Variants in KYAT3 observed in about 807,000 individuals in gnomAD.
KYAT3 encodes the protein kynurenine aminotransferase 3, also known as kynurenine--oxoglutarate transaminase 3.
Under a neutral mutation model 59.0 loss-of-function variants are expected in KYAT3, and 50 were observed. That is an observed-to-expected ratio of 0.85 (90% CI 0.68 to 1.07). KYAT3 has a LOEUF of 1.07. KYAT3 is among the 50% of genes least tolerant of loss of function. The pLI is 0.00. For synonymous variants in KYAT3, 148 were observed against 177.0 expected, an observed-to-expected ratio of 0.84 and a Z score of 1.30; for missense variants, 497 against 533.3, an observed-to-expected ratio of 0.93 and a Z score of 0.67.
intron 4 of KYAT3, among the ~76,000 whole-genome samples, chr1:88,965,940 C>G (rs1177264163): frequency 6.6e-6 from 1 of 152,120 alleles, no homozygotes; most frequent in African/African-American, 2.4e-5. Flanking sequence ...ACTATAAACA[C>G]TATATACATT....
chr1:88,953,198 T>C (rs1675753592), intron 9 of KYAT3, 46 bp from the exon 10 acceptor site: 1 of 1,295,760 alleles, frequency 7.7e-7, no homozygotes, highest in Non-Finnish European at 1.1e-6. Context: ...TAATTGTATA[T>C]AACAAATCTG....
At chr1:88,981,852 A>AT (rs1306885038) in intron 2 of KYAT3, 2 of 602,680 alleles carry the variant, frequency 3.3e-6, no homozygotes, top group African/African-American at 4.0e-5. Context: ...TTGGAGATAA[A>AT]TTCATTGCTT....
intron 11 of KYAT3, among the ~76,000 whole-genome samples, chr1:88,943,934 T>G (rs1004159413): frequency 6.6e-6 from 1 of 152,118 alleles, no homozygotes; most frequent in African/African-American, 2.4e-5. Flanking sequence ...ATTTGTTGAA[T>G]GGATAAATTA....
At chr1:88,961,592 C>A (rs537680312) in intron 6 of KYAT3, 86 bp from the exon 7 acceptor site, 3 of 1,198,120 alleles carry the variant, frequency 2.5e-6, no homozygotes, top group East Asian at 2.4e-5. Flanking sequence ...AGGAAAAAAA[C>A]ATCAAAGAAA....
At chr1:88,966,199 A>G (rs1676345430) in intron 4 of KYAT3, among the ~76,000 whole-genome samples, 1 of 152,178 alleles carries the variant, frequency 6.6e-6, no homozygotes, top group Non-Finnish European at 1.5e-5. Context: ...TACAAAAACT[A>G]GAATATACAT....
chr1:88,929,748 C>A, the KYAT3 span, among the ~76,000 whole-genome samples: 1 of 152,216 alleles, frequency 6.6e-6, no homozygotes, highest in Admixed American at 6.5e-5. Flanking sequence ...TTAAAATTAT[C>A]CAAAGGCACC....
the KYAT3 span, among the ~76,000 whole-genome samples, chr1:88,923,049 A>G: frequency 6.6e-6 from 1 of 152,190 alleles, no homozygotes; most frequent in Non-Finnish European, 1.5e-5. Context: ...GCTTGGTGAA[A>G]GATTATAAAC....
At chr1:88,948,918 G>A (rs1158239928) in intron 11 of KYAT3, among the ~76,000 whole-genome samples, 173 bp downstream of exon 11, 3 of 152,108 alleles carry the variant, frequency 2.0e-5, no homozygotes, top group African/African-American at 7.2e-5. Context: ...CACATTTAAG[G>A]TAAAAGGCCT....
chr1:88,938,794 G>A (rs190614150), intron 13 of KYAT3, among the ~76,000 whole-genome samples: 1 of 152,278 alleles, frequency 6.6e-6, no homozygotes, highest in East Asian at 1.9e-4. Context: ...GCATTGATGG[G>A]CATTTAGGTT....
chr1:88,957,641 C>T (rs1039447457), intron 8 of KYAT3, among the ~76,000 whole-genome samples: 12 of 152,070 alleles, frequency 7.9e-5, no homozygotes, highest in East Asian at 3.8e-4. Flanking sequence ...AATCTAAGTT[C>T]AAAATATACA....
At chr1:88,962,301 A>G (rs1676178852) in intron 5 of KYAT3, among the ~76,000 whole-genome samples, 156 bp from the exon 6 acceptor site, 1 of 152,218 alleles carries the variant, frequency 6.6e-6, no homozygotes, top group Non-Finnish European at 1.5e-5. Context: ...TGAGGGGAAG[A>G]GACCTCGGAG....
chr1:88,948,002 G>A (rs1327942773), intron 11 of KYAT3, among the ~76,000 whole-genome samples: 2 of 152,174 alleles, frequency 1.3e-5, no homozygotes, highest in African/African-American at 2.4e-5. Context: ...TCAGGTGGCA[G>A]GATGGCTTGA....
chr1:88,978,346 G>A (rs559408703), intron 2 of KYAT3, among the ~76,000 whole-genome samples: 78 of 151,566 alleles, frequency 5.1e-4, no homozygotes, highest in Middle Eastern at 3.4e-3. Context: ...GAGTTGTGGT[G>A]TCTTTTTTTT....
chr1:88,953,065 G>A lies in KYAT3; in HGVS notation c.952C>T (p.Gln318Ter). ...NTIYTCATPL[Q>*]EALAQAFWID... Reference sequence around the variant, plus strand: ...CCCTGAGTTACTATAACACTTACCTGTAAAGGAGTTGCACAAGTATAAATC... The same window carrying A: ...CCCTGAGTTACTATAACACTTACCTATAAAGGAGTTGCACAAGTATAAATC... The change falls in exon 10 of 14, where the codon CAG (glutamine) becomes TAG (stop). Residue 318 changes from glutamine to a stop codon, truncating the protein, a stop_gained and splice_region_variant. Coordinates refer to ENST00000260508, the MANE Select transcript of KYAT3 (RefSeq NM_001008661.3). LOFTEE classifies it high-confidence loss of function. 1 of 1,592,784 alleles carries A rather than the reference G, an allele frequency of 6.3e-7. No individual in the cohort carries two copies. Among genetic ancestry groups the A allele is most frequent in the East Asian group, 2.2e-5 (1 of 44,738 alleles).
At chr1:88,955,061 TG>T in intron 9 of KYAT3, 87 bp downstream of exon 9, 1 of 876,180 alleles carries the variant, frequency 1.1e-6, no homozygotes, top group Non-Finnish European at 1.9e-6. Context: ...CCACCATGCC[TG>T]GCCAGCATTT....
At chr1:88,982,891 A>T in intron 2 of KYAT3, 1 of 1,613,922 alleles carries the variant, frequency 6.2e-7, no homozygotes, top group Non-Finnish European at 8.5e-7. Context: ...AGCTGCTATA[A>T]TCATCATAGC....
chr1:88,939,050 CCACTCT>C (rs1675141649), intron 13 of KYAT3, among the ~76,000 whole-genome samples: 1 of 152,030 alleles, frequency 6.6e-6, no homozygotes, highest in Non-Finnish European at 1.5e-5. Flanking sequence ...AATTATACTC[CCACTCT>C]CAATTTGTGA....
chr1:88,954,523 T>G (rs1675822869), intron 9 of KYAT3, among the ~76,000 whole-genome samples: 1 of 152,222 alleles, frequency 6.6e-6, no homozygotes, highest in Non-Finnish European at 1.5e-5. Flanking sequence ...TAGCTACTAT[T>G]ATTTTTCTCC....
At chr1:88,924,385 A>T in the KYAT3 span, among the ~76,000 whole-genome samples, 1 of 152,222 alleles carries the variant, frequency 6.6e-6, no homozygotes, top group Non-Finnish European at 1.5e-5. Flanking sequence ...GCTGGGCTTC[A>T]TCCCTTTCCC....
Sources: allele counts gnomAD v4.1 joint callset (sites outside exome capture counted in the v4.1 genomes callset), GRCh38; gene constraint gnomAD v4.1.1; transcripts MANE v1.5; gene names NCBI Gene and HGNC (gene_info 2026-07-23, HGNC 2026-07-21).